Variants in CPPED1 observed in about 807,000 individuals in gnomAD.
CPPED1 encodes calcineurin like phosphoesterase domain containing 1.
Under a neutral mutation model 28.0 loss-of-function variants are expected in CPPED1, and 28 were observed. The ratio of observed to expected loss-of-function variants is 1.00; its 90% CI spans 0.74 to 1.37. The LOEUF (loss-of-function observed/expected upper bound fraction) is 1.37. Among genes scored for constraint, CPPED1 ranks in the 40% most tolerant of loss-of-function variants. CPPED1 has a pLI of 0.00. For synonymous variants in CPPED1, 198 were observed against 180.2 expected, an observed-to-expected ratio of 1.10 and a Z score of -0.79; for missense variants, 504 against 416.5, an observed-to-expected ratio of 1.21 and a Z score of -1.83.
At chr16:12,678,322 G>A (rs1036815889) in intron 3 of CPPED1, among the ~76,000 whole-genome samples, 1 of 152,188 alleles carries the variant, frequency 6.6e-6, no homozygotes, top group Non-Finnish European at 1.5e-5. Flanking sequence ...CTTTAAAAGT[G>A]TCCACATCCT....
chr16:12,741,294 G>T (rs562382089), intron 2 of CPPED1, among the ~76,000 whole-genome samples: 1 of 131,406 alleles, frequency 7.6e-6, no homozygotes, highest in South Asian at 2.7e-4. Context: ...TCCTCCTCTG[G>T]CTGCCCTTTT....
intron 2 of CPPED1, among the ~76,000 whole-genome samples, chr16:12,758,036 C>T (rs941056707): frequency 4.6e-5 from 7 of 151,952 alleles, no homozygotes; most frequent in South Asian, 4.2e-4. Flanking sequence ...TGAATAAGAG[C>T]TGGAGAGTCA....
intron 2 of CPPED1, among the ~76,000 whole-genome samples, chr16:12,742,233 T>G (rs1487293821): frequency 6.6e-6 from 1 of 152,104 alleles, no homozygotes; most frequent in African/African-American, 2.4e-5. Flanking sequence ...TAACCAATAA[T>G]AAGCTATTAC....
intron 3 of CPPED1, among the ~76,000 whole-genome samples, chr16:12,686,691 GA>G (rs2079935256): frequency 6.6e-6 from 1 of 152,170 alleles, no homozygotes; most frequent in Admixed American, 6.5e-5. Flanking sequence ...ATGTCTGTAT[GA>G]CAACTTGGAG....
At chr16:12,685,675 C>T (rs531122959) in intron 3 of CPPED1, among the ~76,000 whole-genome samples, 1 of 152,092 alleles carries the variant, frequency 6.6e-6, no homozygotes, top group Non-Finnish European at 1.5e-5. Context: ...CCACACCCTC[C>T]CTTTTCCTCC....
chr16:12,742,865 A>G (rs2080263750), intron 2 of CPPED1, among the ~76,000 whole-genome samples: 1 of 152,208 alleles, frequency 6.6e-6, no homozygotes, highest in South Asian at 2.1e-4. Flanking sequence ...AAACGAGATC[A>G]GCAAAGGGAC....
At chr16:12,694,526 T>A (rs1229811815) in intron 3 of CPPED1, among the ~76,000 whole-genome samples, 1 of 152,170 alleles carries the variant, frequency 6.6e-6, no homozygotes, top group Non-Finnish European at 1.5e-5. Context: ...GTTAGTCTTT[T>A]ATCTAGGTTT....
chr16:12,662,290 T>C lies in CPPED1; in HGVS notation c.*2596A>G, dbSNP rs2079799382. On this transcript the variant is annotated 3_prime_UTR_variant, in exon 4 of 4. Transcript: ENST00000381774. Reference sequence around the variant, plus strand: ...TGATAGATGCTTATCTACAAAAACATTTCCTGACTTCTTGCTGAACCTCTT... The same window carrying C: ...TGATAGATGCTTATCTACAAAAACACTTCCTGACTTCTTGCTGAACCTCTT... The C allele has an allele frequency of 6.6e-6, 1 of 152,218 alleles. No homozygotes were observed. 9.4% of individuals were successfully genotyped at this position (152,218 alleles called of 1,614,324 possible). A position where few individuals can be genotyped will look rare whatever the true frequency, so the allele number is the denominator to read the frequency against.
At chr16:12,685,548 C>T (rs1225409383) in intron 3 of CPPED1, among the ~76,000 whole-genome samples, 1 of 152,204 alleles carries the variant, frequency 6.6e-6, no homozygotes, top group African/African-American at 2.4e-5. Flanking sequence ...ACCCCTGGCA[C>T]ACTGTCTACT....
intron 2 of CPPED1, among the ~76,000 whole-genome samples, chr16:12,769,963 G>C (rs1596478649): frequency 6.6e-6 from 1 of 152,118 alleles, no homozygotes; most frequent in East Asian, 1.9e-4. Flanking sequence ...GGAAATAAAC[G>C]TGATTTAACT....
intron 2 of CPPED1, among the ~76,000 whole-genome samples, chr16:12,780,219 A>C (rs1473397724): frequency 2.6e-5 from 4 of 151,976 alleles, no homozygotes; most frequent in Non-Finnish European, 5.9e-5. Flanking sequence ...TCACTCCTTC[A>C]CCCAGGCTGG....
In CPPED1 at chr16:12,660,063, C is replaced by T. The variant is rs554915856; in HGVS notation, c.*4823G>A. 6.6e-6 allele frequency: 1 copy of T among 152,228 alleles called. No individual in the cohort carries two copies. 9.4% of individuals were successfully genotyped at this position (152,228 alleles called of 1,614,324 possible). ...TGACACATGGGGATTATGGGGATTACAATTCGAGATGAGATTTCAGTGGGG... is the reference window on the plus strand; with the variant it reads ...TGACACATGGGGATTATGGGGATTATAATTCGAGATGAGATTTCAGTGGGG... On this transcript the variant is annotated 3_prime_UTR_variant, in exon 4 of 4. Coordinates refer to ENST00000381774, the MANE Select transcript of CPPED1 (RefSeq NM_018340.3).
chr16:12,707,653 C>A (rs149727435), intron 2 of CPPED1, among the ~76,000 whole-genome samples: 1 of 152,138 alleles, frequency 6.6e-6, no homozygotes, highest in African/African-American at 2.4e-5. Flanking sequence ...TAAGAAGGGG[C>A]AGTTCAAAAG....
chr16:12,676,763 A>G (rs1398706129), intron 3 of CPPED1, among the ~76,000 whole-genome samples: 1 of 152,166 alleles, frequency 6.6e-6, no homozygotes. Context: ...GGTAATAATA[A>G]TAATGATGAT....
In CPPED1 at chr16:12,712,254, G is replaced by A. The variant is rs550936264; in HGVS notation, c.290-7205C>T. 5.9e-5 allele frequency among the ~76,000 whole-genome samples: 9 copies of A among 152,256 alleles called. No individual in the cohort carries two copies. The South Asian group carries it at 1.7e-3, about 28-fold the overall frequency. On this transcript the variant is annotated intron_variant, in intron 2 of 3. Coordinates refer to ENST00000381774, the MANE Select transcript of CPPED1 (RefSeq NM_018340.3). ...CTAAGAGGTCCCTGGAAACAGAGTC[G>A]ATGGGGCTCCGTCCCTACCTGCAGG...
At chr16:12,765,213 G>A (rs2080431865) in intron 2 of CPPED1, among the ~76,000 whole-genome samples, 1 of 152,160 alleles carries the variant, frequency 6.6e-6, no homozygotes, top group African/African-American at 2.4e-5. Context: ...TAAATTCATT[G>A]ATCTAAAACT....
At chr16:12,776,660 C>T (rs113812773) in intron 2 of CPPED1, among the ~76,000 whole-genome samples, 182 of 152,274 alleles carry the variant, frequency 1.2e-3, no homozygotes, top group African/African-American at 4.3e-3. Context: ...GTGGCTCACG[C>T]CTGTAATCAC....
chr16:12,787,409 T>C (rs34106330), intron 1 of CPPED1, among the ~76,000 whole-genome samples: 63 of 60,172 alleles, frequency 1.0e-3, no homozygotes, highest in South Asian at 2.4e-3. Flanking sequence ...TTCTTTCTTT[T>C]TTTTTTTTTT....
intron 2 of CPPED1, among the ~76,000 whole-genome samples, chr16:12,776,723 A>G (rs530664837): frequency 2.3e-4 from 35 of 152,300 alleles, no homozygotes; most frequent in Admixed American, 5.2e-4. Flanking sequence ...GATCGAGACC[A>G]GCCTGGCCAA....
Sources: gnomAD v4.1 joint callset for allele counts (sites outside exome capture counted in the v4.1 genomes callset) on GRCh38, gnomAD v4.1.1 for gene constraint, MANE v1.5 for transcripts, NCBI Gene and HGNC (gene_info 2026-07-23, HGNC 2026-07-21) for gene names.